Variants in MME observed in about 807,000 individuals in gnomAD.
MME encodes the protein membrane metalloendopeptidase.
In MME, 98 loss-of-function variants were observed where a neutral mutation model predicts 113.2. The ratio of observed to expected loss-of-function variants is 0.87; its 90% CI spans 0.74 to 1.02. The LOEUF (loss-of-function observed/expected upper bound fraction) is 1.02. Ranked by LOEUF, MME falls within the 50% of genes least tolerant of loss-of-function variation. MME has a pLI of 0.00. For synonymous variants in MME, 292 were observed against 300.6 expected, an observed-to-expected ratio of 0.97 and a Z score of 0.30; for missense variants, 836 against 896.0, an observed-to-expected ratio of 0.93 and a Z score of 0.86.
chr3:155,133,481 T>C (rs1433546664), intron 8 of MME, among the ~76,000 whole-genome samples: 2 of 151,628 alleles, frequency 1.3e-5, no homozygotes, highest in African/African-American at 2.4e-5. Context: ...CAAAGTTCTA[T>C]AGTCTTTAAA....
chr3:155,110,545 CAAG>C (rs1338501172), intron 3 of MME, among the ~76,000 whole-genome samples: 1 of 152,096 alleles, frequency 6.6e-6, no homozygotes. Context: ...GAGAATGTTA[CAAG>C]AAGATTAGTT....
intron 1 of MME, among the ~76,000 whole-genome samples, chr3:155,045,214 G>A (rs1036822589): frequency 2.0e-4 from 30 of 151,148 alleles, no homozygotes; most frequent in Non-Finnish European, 3.2e-4. Context: ...GCAATGGCAC[G>A]GTCTTGGCTC....
intron 3 of MME, among the ~76,000 whole-genome samples, chr3:155,094,534 G>A (rs1019186180): frequency 3.3e-5 from 5 of 152,156 alleles, no homozygotes; most frequent in African/African-American, 7.2e-5. Flanking sequence ...GGCGAACAGT[G>A]TATTTTTAAA....
In MME at chr3:155,163,607, C is replaced by T. The variant is rs529504973; in HGVS notation, c.1660+3159C>T. On this transcript the variant is annotated intron_variant, in intron 17 of 22. Transcript: ENST00000360490. ...CAGTCATCTTATTAAACCTTAAAAT[C>T]GCAGTCAAGGAAATAATTTAGTGTA... Among the ~76,000 whole-genome samples, 35 of 152,238 alleles carry T rather than the reference C, an allele frequency of 2.3e-4. 1 individual carries two copies. Among genetic ancestry groups the T allele is most frequent in the African/African-American group, 7.7e-4 (32 of 41,552 alleles).
chr3:155,116,852 T>C lies in MME; in HGVS notation c.536-16T>C, dbSNP rs762834247. ...CTAAAGCTTCTAAAGATATATTTTA[T>C]CTTTTATTGCTTTAGGTGCTTCTTG... On this transcript the variant is annotated splice_polypyrimidine_tract_variant and intron_variant, in intron 6 of 22. Transcript: ENST00000360490. 1.1e-5 allele frequency: 18 copies of C among 1,570,604 alleles called. No homozygotes were observed. In the Admixed American group the frequency reaches 3.0e-4, roughly 26 times the overall value.
Position 155,026,495 on chromosome 3 carries a change from G to T in MME, c.-11+2171G>T, listed in dbSNP as rs552271665. 1.6e-3 allele frequency among the ~76,000 whole-genome samples: 248 copies of T among 152,244 alleles called. 1 individual carries two copies. The highest frequency in any genetic ancestry group is 3.1e-3 in the South Asian group (15 of 4,824). On this transcript the variant is annotated intron_variant, in intron 1 of 22. Transcript: ENST00000492661. Reference sequence around the variant, plus strand: ...TCCCAGCACTTTGGGAGGCCGAGGTGGGTGGATCACCTGAAGTTAGGAATT... The same window carrying T: ...TCCCAGCACTTTGGGAGGCCGAGGTTGGTGGATCACCTGAAGTTAGGAATT...
At chr3:155,053,483 A>C (rs1713825855) in intron 1 of MME, among the ~76,000 whole-genome samples, 1 of 152,136 alleles carries the variant, frequency 6.6e-6, no homozygotes. Flanking sequence ...AAACCATCAG[A>C]TCTCTTGAGT....
At position 155,139,147 on chromosome 3, in the gene MME, A is replaced by G. The variant is rs571401126; in HGVS notation, c.855+911A>G. Among the ~76,000 whole-genome samples, 12 of 152,234 alleles carry G rather than the reference A, an allele frequency of 7.9e-5. No individual in the cohort carries two copies. The East Asian group carries it at 1.9e-3, about 25-fold the overall frequency. On this transcript the variant is annotated intron_variant, in intron 9 of 22. Coordinates refer to ENST00000360490, the MANE Select transcript of MME (RefSeq NM_007289.4). ...AATGAATGGCATTTGAATGGGTTAC[A>G]TGTGGTTCTGTGTTGGAAACAGACT...
intron 3 of MME, among the ~76,000 whole-genome samples, chr3:155,107,316 G>A (rs893086746): frequency 1.4e-5 from 2 of 147,342 alleles, no homozygotes; most frequent in African/African-American, 5.0e-5. Flanking sequence ...TCGTGCCATT[G>A]CACTCCAGCC....
intron 8 of MME, among the ~76,000 whole-genome samples, chr3:155,129,231 G>A (rs746484216): frequency 6.6e-6 from 1 of 152,078 alleles, no homozygotes; most frequent in Non-Finnish European, 1.5e-5. Context: ...CTGCAGATAT[G>A]CCTCAGAGGC....
chr3:155,155,374 G>T lies in MME; in HGVS notation c.1602-5016G>T, dbSNP rs115875044. On this transcript the variant is annotated intron_variant, in intron 16 of 22. Coordinates refer to ENST00000360490, the MANE Select transcript of MME (RefSeq NM_007289.4). ...TACATTTATTTCAGTGTCATCTCTT[G>T]AAAGGACAACATTCAACGGTGCACA... 2.7e-3 allele frequency among the ~76,000 whole-genome samples: 410 copies of T among 152,276 alleles called. 3 individuals carry two copies. Among genetic ancestry groups the T allele is most frequent in the African/African-American group, 9.4e-3 (392 of 41,554 alleles).
At chr3:155,045,190 C>T (rs888337390) in intron 1 of MME, among the ~76,000 whole-genome samples, 7 of 149,060 alleles carry the variant, frequency 4.7e-5, no homozygotes, top group Non-Finnish European at 8.9e-5. Flanking sequence ...CTCGCTCTGT[C>T]GCCAGGCTGG....
At chr3:155,177,787 T>C (rs1462565144) in intron 22 of MME, among the ~76,000 whole-genome samples, 1 of 152,160 alleles carries the variant, frequency 6.6e-6, no homozygotes, top group East Asian at 1.9e-4. Flanking sequence ...AGATGAGCCA[T>C]TTACTTTCAG....
At chr3:155,067,124 T>G (rs1300633976) in intron 1 of MME, among the ~76,000 whole-genome samples, 1 of 151,362 alleles carries the variant, frequency 6.6e-6, no homozygotes, top group African/African-American at 2.4e-5. Context: ...GCTTTCCTTG[T>G]GCTTGCAAAA....
intron 1 of MME, among the ~76,000 whole-genome samples, chr3:155,069,933 G>A (rs1714499625): frequency 6.6e-6 from 1 of 152,204 alleles, no homozygotes; most frequent in African/African-American, 2.4e-5. Context: ...AGCCCCAGAA[G>A]CAACAGGAAA....
chr3:155,031,499 TTGAA>T (rs1418392441), intron 1 of MME, among the ~76,000 whole-genome samples: 1 of 152,126 alleles, frequency 6.6e-6, no homozygotes, highest in African/African-American at 2.4e-5. Flanking sequence ...GGAGAAAACT[TTGAA>T]TGTCTTTTTA....
chr3:155,070,728 A>G lies in MME; in HGVS notation c.-10-13430A>G, dbSNP rs545813698. Among the ~76,000 whole-genome samples, 19 of 152,316 alleles carry G rather than the reference A, an allele frequency of 1.2e-4. No individual in the cohort carries two copies. In the South Asian group the frequency reaches 3.9e-3, roughly 32 times the overall value. Reference sequence around the variant, plus strand: ...ATTTTGAATATGATTTTTTCAAGTTAAGACATATACTTTCCCACTCAGGAG... The same window carrying G: ...ATTTTGAATATGATTTTTTCAAGTTGAGACATATACTTTCCCACTCAGGAG... On this transcript the variant is annotated intron_variant, in intron 1 of 22. Transcript: ENST00000492661.
At chr3:155,066,723 T>G (rs1455543560) in intron 1 of MME, among the ~76,000 whole-genome samples, 2 of 152,172 alleles carry the variant, frequency 1.3e-5, no homozygotes, top group Non-Finnish European at 2.9e-5. Flanking sequence ...TGTCACTTAC[T>G]GAAAAAGTAA....
chr3:155,169,066 C>T (rs575161974), intron 20 of MME, among the ~76,000 whole-genome samples: 1 of 152,116 alleles, frequency 6.6e-6, no homozygotes, highest in South Asian at 2.1e-4. Context: ...GAGGAGAGAG[C>T]AGGTTCACAA....
Sources: allele counts gnomAD v4.1 joint callset (sites outside exome capture counted in the v4.1 genomes callset), GRCh38; gene constraint gnomAD v4.1.1; transcripts MANE v1.5; gene names NCBI Gene and HGNC (gene_info 2026-07-23, HGNC 2026-07-21).